The following KCNIP4 variants were observed in gnomAD, a reference collection of about 807,000 sequenced individuals.
The protein encoded by KCNIP4 is Kv channel-interacting protein 4.
KCNIP4 carries 12 observed loss-of-function variants against 34.0 expected under a neutral mutation model. The observed-to-expected ratio is 0.35, with a 90% CI of 0.23 to 0.57. The LOEUF is 0.57. Among genes scored for constraint, KCNIP4 ranks in the 20% least tolerant of loss-of-function variants. The pLI, the probability that KCNIP4 is intolerant of heterozygous loss-of-function variation, is 0.83. For missense variants in KCNIP4, 238 were observed against 311.7 expected (o/e 0.76, Z 1.78); for synonymous variants, 124 against 102.2 (o/e 1.21, Z -1.29).
At chr4:20,853,781 C>T (rs559028542) in intron 2 of KCNIP4, among the ~76,000 whole-genome samples, 16 of 152,066 alleles carry the variant, frequency 1.1e-4, no homozygotes, top group African/African-American at 3.1e-4. Context: ...GAAAGTACAA[C>T]GAACTCAAAT....
At chr4:20,758,256 A>G (rs1183204289) in intron 4 of KCNIP4, among the ~76,000 whole-genome samples, 2 of 152,184 alleles carry the variant, frequency 1.3e-5, no homozygotes, top group Non-Finnish European at 2.9e-5. Context: ...TTAAAATAAT[A>G]TCTAGGATGG....
chr4:20,994,684 T>A (rs1737385724), intron 1 of KCNIP4, among the ~76,000 whole-genome samples: 1 of 152,152 alleles, frequency 6.6e-6, no homozygotes, highest in Admixed American at 6.6e-5. Context: ...CCTAGAGGAT[T>A]ACAAAAGAAA....
intron 1 of KCNIP4, among the ~76,000 whole-genome samples, chr4:21,666,739 G>A (rs1452351327): frequency 6.6e-6 from 1 of 152,116 alleles, no homozygotes; most frequent in Non-Finnish European, 1.5e-5. Flanking sequence ...TGCCAAAGCT[G>A]TCTTTTATAT....
At chr4:20,852,659 C>A (rs1229741027) in intron 2 of KCNIP4, among the ~76,000 whole-genome samples, 2 of 152,042 alleles carry the variant, frequency 1.3e-5, no homozygotes, top group Non-Finnish European at 2.9e-5. Flanking sequence ...ACAAGGGCAT[C>A]CAAATTGGTA....
intron 1 of KCNIP4, among the ~76,000 whole-genome samples, chr4:21,821,430 C>A (rs1317425377): frequency 1.3e-5 from 2 of 152,082 alleles, no homozygotes; most frequent in Non-Finnish European, 2.9e-5. Flanking sequence ...GAAGTCAGAG[C>A]CATTCCATTT....
intron 1 of KCNIP4, among the ~76,000 whole-genome samples, chr4:20,903,645 T>C (rs1032521288): frequency 9.2e-5 from 14 of 152,096 alleles, no homozygotes; most frequent in African/African-American, 3.4e-4. Flanking sequence ...ACTTCTTAAG[T>C]GTATTTGATT....
intron 1 of KCNIP4, among the ~76,000 whole-genome samples, chr4:21,170,561 A>G (rs6821250): frequency 0.65 from 99,055 of 151,958 alleles, 32,807 homozygotes; most frequent in African/African-American, 0.76. Context: ...AAGATCATCC[A>G]TTTTAAAGAA....
chr4:20,741,271 C>A (rs1157614027), intron 5 of KCNIP4, among the ~76,000 whole-genome samples: 1 of 152,156 alleles, frequency 6.6e-6, no homozygotes, highest in Non-Finnish European at 1.5e-5. Context: ...AATATAGATT[C>A]TTCTCAGCAC....
Position 21,153,515 on chromosome 4 carries a change from G to GTATATATATATATA in KCNIP4, c.62-270820_62-270807dup, listed in dbSNP as rs59614946. On this transcript the variant is annotated intron_variant, in intron 1 of 8. Transcript: ENST00000382152. ...TATATTTATATATATATGTGTGTGT[G>GTATATATATATATA]TATATATATATATATATATATATAT... Among the ~76,000 whole-genome samples the GTATATATATATATA allele has an allele frequency of 2.1e-5, 3 of 140,900 alleles. No homozygotes were observed. In the East Asian group the frequency reaches 6.4e-4, roughly 30 times the overall value. 92.4% of individuals were successfully genotyped at this position (140,900 alleles called of 152,430 possible). A position where few individuals can be genotyped will look rare whatever the true frequency, so the allele number is the denominator to read the frequency against.
chr4:21,745,925 C>T (rs1457309547), intron 1 of KCNIP4, among the ~76,000 whole-genome samples: 1 of 152,052 alleles, frequency 6.6e-6, no homozygotes, highest in African/African-American at 2.4e-5. Flanking sequence ...TGCTATGATG[C>T]CATAACAAAA....
At chr4:20,742,252 G>A (rs1751298160) in intron 5 of KCNIP4, among the ~76,000 whole-genome samples, 1 of 152,158 alleles carries the variant, frequency 6.6e-6, no homozygotes, top group African/African-American at 2.4e-5. Flanking sequence ...CCAAAGCCTA[G>A]CAGAGATACA....
intron 1 of KCNIP4, among the ~76,000 whole-genome samples, chr4:21,941,109 T>C (rs1730179531): frequency 6.6e-6 from 1 of 152,216 alleles, no homozygotes; most frequent in Admixed American, 6.5e-5. Flanking sequence ...ATAAAACCCC[T>C]GGCAGAATAT....
At chr4:21,829,932 A>T (rs1183133527) in intron 1 of KCNIP4, among the ~76,000 whole-genome samples, 2 of 152,142 alleles carry the variant, frequency 1.3e-5, no homozygotes, top group African/African-American at 4.8e-5. Context: ...GAAGAAAGGA[A>T]CAAAAGATCT....
intron 1 of KCNIP4, among the ~76,000 whole-genome samples, chr4:21,334,764 G>A (rs149324385): frequency 4.0e-5 from 6 of 151,736 alleles, no homozygotes; most frequent in African/African-American, 1.2e-4. Flanking sequence ...GTATTATACA[G>A]TATGTGATCT....
intron 6 of KCNIP4, among the ~76,000 whole-genome samples, chr4:20,733,942 C>A (rs1748974863): frequency 6.6e-6 from 1 of 152,088 alleles, no homozygotes; most frequent in Non-Finnish European, 1.5e-5. Context: ...GCCCTGGGCA[C>A]CTTTTGTCTG....
intron 1 of KCNIP4, among the ~76,000 whole-genome samples, chr4:21,453,710 C>T (rs1728697297): frequency 6.6e-6 from 1 of 152,086 alleles, no homozygotes; most frequent in Admixed American, 6.6e-5. Flanking sequence ...ATCAGCAACA[C>T]AATAAATGCT....
intron 1 of KCNIP4, among the ~76,000 whole-genome samples, chr4:21,343,499 TA>T (rs1716965192): frequency 6.6e-6 from 1 of 152,132 alleles, no homozygotes; most frequent in Non-Finnish European, 1.5e-5. Context: ...CCTCAGTCAG[TA>T]AAATAGCTTC....
intron 1 of KCNIP4, among the ~76,000 whole-genome samples, chr4:20,964,494 T>A (rs1347763671): frequency 6.6e-6 from 1 of 152,210 alleles, no homozygotes; most frequent in Non-Finnish European, 1.5e-5. Context: ...CACTTCAGCC[T>A]GAAGCTCAGC....
At chr4:21,532,924 A>G (rs1158706205) in intron 1 of KCNIP4, among the ~76,000 whole-genome samples, 1 of 147,036 alleles carries the variant, frequency 6.8e-6, no homozygotes, top group Non-Finnish European at 1.5e-5. Context: ...TCTAAATTGC[A>G]TCTCAAGGTT....
Sources: gnomAD v4.1 joint callset for allele counts (sites outside exome capture counted in the v4.1 genomes callset) on GRCh38, gnomAD v4.1.1 for gene constraint, MANE v1.5 for transcripts, NCBI Gene and HGNC (gene_info 2026-07-23, HGNC 2026-07-21) for gene names.